Variants in ZNF114 observed in about 807,000 individuals in gnomAD.
The protein encoded by ZNF114 is zinc finger protein 114 (Y18).
In ZNF114, 8 loss-of-function variants were observed where a neutral mutation model predicts 6.8. The ratio of observed to expected loss-of-function variants is 1.18; its 90% CI spans 0.69 to 2.13. The LOEUF (loss-of-function observed/expected upper bound fraction) is 2.13. Among genes scored for constraint, ZNF114 ranks in the 30% most tolerant of loss-of-function variants. The pLI is 0.00. For synonymous variants in ZNF114, 169 were observed against 185.5 expected, an observed-to-expected ratio of 0.91 and a Z score of 0.72; for missense variants, 472 against 519.5, an observed-to-expected ratio of 0.91 and a Z score of 0.89.
chr19:48,286,689 T>A lies in ZNF114; in HGVS notation c.1065T>A (p.Val355=), dbSNP rs1021139485. 3.1e-6 allele frequency: 5 copies of A among 1,612,736 alleles called. No individual in the cohort carries two copies. Among genetic ancestry groups the A allele is most frequent in the Non-Finnish European group, 4.2e-6 (5 of 1,179,666 alleles). Residue 355 remains valine (V), a synonymous_variant, in exon 6 of 6, where the codon GTT becomes GTA. Transcript: ENST00000595607. The stretch of plus-strand genomic sequence containing the variant: ...TTAATAAACATTTAAGAAAGCATGT[T>A]GTGCAGAAGAAGCCCTACGAATGTG... ...LHLNKHLRKH[V]VQKKPYECEE... is the part of the protein sequence containing the mutation.
rs1190287030 is a variant in ZNF114, at chr19:48,286,332, T to C, written c.708T>C (p.Leu236=). The C allele has an allele frequency of 6.2e-7, 1 of 1,614,150 alleles. No individual in the cohort carries two copies. The highest frequency in any genetic ancestry group is 2.2e-5 in the East Asian group (1 of 44,884). Residue 236 remains leucine (L), a synonymous_variant, in exon 6 of 6, where the codon CTT becomes CTC. Coordinates refer to ENST00000595607, the MANE Select transcript of ZNF114 (RefSeq NM_153608.4). ...FGKAFREDGS[L]RAHNTHGREK... Reference sequence around the variant, plus strand: ...AAGCTTTCCGTGAAGACGGATCCCTTAGGGCACACAACACTCATGGTCGAG... The same window carrying C: ...AAGCTTTCCGTGAAGACGGATCCCTCAGGGCACACAACACTCATGGTCGAG...
In ZNF114 at chr19:48,282,397, T is replaced by C; in HGVS notation, c.36T>C (p.Ala12=). ...ACTCGGTGACCTTCGCAGACGTGGCTGTGAACTTCACCAAAGAGGAGTGGA... is the reference window on the plus strand; with the variant it reads ...ACTCGGTGACCTTCGCAGACGTGGCCGTGAACTTCACCAAAGAGGAGTGGA... ...SQDSVTFADV[A]VNFTKEEWTL... Residue 12 remains alanine, a synonymous_variant, in exon 5 of 6, where the codon GCT becomes GCC. Coordinates refer to ENST00000595607, the MANE Select transcript of ZNF114 (RefSeq NM_153608.4). 1 of 1,613,432 alleles carries C rather than the reference T, an allele frequency of 6.2e-7. No individual in the cohort carries two copies.
chr19:48,275,817 C>A (rs997897317), intron 3 of ZNF114, among the ~76,000 whole-genome samples: 1 of 151,594 alleles, frequency 6.6e-6, no homozygotes, highest in Non-Finnish European at 1.5e-5. Flanking sequence ...CCCGTCTCTA[C>A]TAAAAATACA....
Position 48,286,048 on chromosome 19 carries a change from C to T in ZNF114, c.424C>T (p.Gln142Ter), listed in dbSNP as rs559430759. Residue 142 changes from glutamine (Q) to a stop codon, truncating the protein, a stop_gained, in exon 6 of 6, where the codon CAG (glutamine) becomes TAG (stop). Coordinates refer to ENST00000595607, the MANE Select transcript of ZNF114 (RefSeq NM_153608.4). LOFTEE classifies it low-confidence loss of function (END_TRUNC). Reference sequence around the variant, plus strand: ...ACCTACCTGCAGGCTTGTGCCTTCACAGGGAGATTCCATAAGACAATGTAT... The same window carrying T: ...ACCTACCTGCAGGCTTGTGCCTTCATAGGGAGATTCCATAAGACAATGTAT... ...SKPTCRLVPSQGDSIRQCILT... is the reference protein window; with the variant it reads ...SKPTCRLVPS 3 of 1,613,986 alleles carry T rather than the reference C, an allele frequency of 1.9e-6. No individual in the cohort carries two copies. The highest frequency in any genetic ancestry group is 1.7e-5 in the Admixed American group (1 of 60,022).
chr19:48,276,754 G>C (rs1227544302), intron 3 of ZNF114, among the ~76,000 whole-genome samples: 1 of 152,000 alleles, frequency 6.6e-6, no homozygotes, highest in Admixed American at 6.6e-5. Flanking sequence ...AAAATCCTGG[G>C]CTCAAGTGAT....
At position 48,286,313 on chromosome 19, in the gene ZNF114, T is replaced by C; in HGVS notation, c.689T>C (p.Phe230Ser). ...CAGCGGAATCCATTTGGAAAAGCTT[T>C]CCGTGAAGACGGATCCCTTAGGGCA... is the stretch of plus-strand genomic sequence containing the variant. ...RHQRNPFGKA[F>S]REDGSLRAHN... is the part of the protein sequence containing the mutation. Residue 230 changes from phenylalanine (F) to serine (S), a missense_variant, in exon 6 of 6, where the codon TTC (phenylalanine) becomes TCC (serine). Coordinates refer to ENST00000595607, the MANE Select transcript of ZNF114 (RefSeq NM_153608.4). 1 of 1,614,174 alleles carries C rather than the reference T, an allele frequency of 6.2e-7. No homozygotes were observed. The highest frequency in any genetic ancestry group is 1.7e-5 in the Admixed American group (1 of 60,004).
intron 5 of ZNF114, among the ~76,000 whole-genome samples, chr19:48,283,267 G>A (rs925812089): frequency 5.3e-5 from 8 of 152,154 alleles, no homozygotes; most frequent in South Asian, 2.1e-4. Context: ...GAAAAGGGTC[G>A]TTTTGAGCCC....
At chr19:48,272,424 A>AAAT (rs886901826) in intron 3 of ZNF114, among the ~76,000 whole-genome samples, 55 of 126,646 alleles carry the variant, frequency 4.3e-4, no homozygotes, top group African/African-American at 7.1e-4. Context: ...AAAAAAAAAT[A>AAAT]AATAATAATA....
At chr19:48,270,692 G>A (rs1329697692) in intron 1 of ZNF114, among the ~76,000 whole-genome samples, 1 of 137,744 alleles carries the variant, frequency 7.3e-6, no homozygotes, top group South Asian at 2.4e-4. Context: ...AAGGAAGGAG[G>A]GAGGGAGAGG....
At chr19:48,279,019 G>A (rs1406279652) in intron 3 of ZNF114, among the ~76,000 whole-genome samples, 1 of 152,106 alleles carries the variant, frequency 6.6e-6, no homozygotes, top group Non-Finnish European at 1.5e-5. Flanking sequence ...CTGCTAAGGG[G>A]GATGGGGTTT....
intron 3 of ZNF114, among the ~76,000 whole-genome samples, chr19:48,272,146 C>T (rs1247253024): frequency 6.6e-6 from 1 of 152,140 alleles, no homozygotes; most frequent in African/African-American, 2.4e-5. Flanking sequence ...CGCGGTGGCT[C>T]ACGCCTGTAA....
At chr19:48,282,559 T>A in intron 5 of ZNF114, 62 bp downstream of exon 5, 1 of 1,537,058 alleles carries the variant, frequency 6.5e-7, no homozygotes, top group Non-Finnish European at 8.8e-7. Context: ...TGGAACCGTG[T>A]TCTGGGAAGT....
rs1469396634 is a variant in ZNF114 at position 48,282,490 on chromosome 19, A to C, written c.129A>C (p.Ala43=). 6.2e-7 allele frequency: 1 copy of C among 1,609,116 alleles called. No individual in the cohort carries two copies. ...DVMLENSRNL[A]FIDWATPCKT... ...TGCTGGAAAATTCTAGGAACTTGGC[A>C]TTCATAGGTAAGGAGGCCCCCTTCC... Residue 43 remains alanine (A), a synonymous_variant, in exon 5 of 6, where the codon GCA becomes GCC. Transcript: ENST00000595607.
At position 48,287,312 on chromosome 19, in the gene ZNF114, G is replaced by A. The variant is rs533872733; in HGVS notation, c.*434G>A. ...AGATCAAGACCATCCTGGCTAACAC[G>A]GTGATACCCCGTCTCTACTAAAAAT... On this transcript the variant is annotated 3_prime_UTR_variant, in exon 6 of 6. Coordinates refer to ENST00000595607, the MANE Select transcript of ZNF114 (RefSeq NM_153608.4). The A allele has an allele frequency of 4.7e-3, 717 of 152,994 alleles. 4 individuals carry two copies. Among genetic ancestry groups the A allele is most frequent in the Non-Finnish European group, 8.4e-3 (580 of 68,642 alleles). The allele number at this position is 152,994 out of a possible 1,614,324, so 9.5% of individuals were successfully genotyped here.
chr19:48,276,666 G>T (rs1017250758), intron 3 of ZNF114, among the ~76,000 whole-genome samples: 4 of 152,170 alleles, frequency 2.6e-5, no homozygotes, highest in Non-Finnish European at 5.9e-5. Flanking sequence ...TGAGACTAGA[G>T]GCGCACGCCA....
intron 3 of ZNF114, among the ~76,000 whole-genome samples, chr19:48,274,509 T>A (rs1273882414): frequency 0.02 from 368 of 18,452 alleles, 1 homozygote; most frequent in African/African-American, 0.031. Context: ...TATATATATT[T>A]TTTTTTTTTT....
chr19:48,279,886 G>C lies in ZNF114; in HGVS notation c.9+78G>C, dbSNP rs559869634. On this transcript the variant is annotated intron_variant, in intron 4 of 5. Coordinates refer to ENST00000595607, the MANE Select transcript of ZNF114 (RefSeq NM_153608.4). ...AATGTGCCTCTGCCTGTGGCTGGGA[G>C]TCAGGTAAAGCACATGGAGCCAGGC... 14 of 1,608,830 alleles carry C rather than the reference G, an allele frequency of 8.7e-6. No individual in the cohort carries two copies. In the East Asian group the frequency reaches 2.9e-4, roughly 33 times the overall value.
At chr19:48,283,122 TCTC>T (rs1204406951) in intron 5 of ZNF114, among the ~76,000 whole-genome samples, 2 of 152,030 alleles carry the variant, frequency 1.3e-5, no homozygotes, top group Admixed American at 6.6e-5. Flanking sequence ...CTCAAGCAAT[TCTC>T]CTGCCTCAGC....
Position 48,279,814 on chromosome 19 carries a change from T to C in ZNF114, c.9+6T>C, listed in dbSNP as rs1308089572. 1.2e-6 allele frequency: 2 copies of C among 1,613,936 alleles called. No individual in the cohort carries two copies. Among genetic ancestry groups the C allele is most frequent in the South Asian group, 1.1e-5 (1 of 91,086 alleles). The stretch of plus-strand genomic sequence containing the variant: ...TGGTGACAAATATGTCCCAGGTAAG[T>C]TGGCAGCTCACCCTCTCCCAGAAGC... On this transcript the variant is annotated splice_donor_region_variant and intron_variant, in intron 4 of 5. Coordinates refer to ENST00000595607, the MANE Select transcript of ZNF114 (RefSeq NM_153608.4).
Sources: allele counts gnomAD v4.1 joint callset (sites outside exome capture counted in the v4.1 genomes callset), GRCh38; gene constraint gnomAD v4.1.1; transcripts MANE v1.5; gene names NCBI Gene and HGNC (gene_info 2026-07-23, HGNC 2026-07-21).